The following TEKT5 variants were observed in gnomAD, a reference collection of about 807,000 sequenced individuals.
TEKT5 encodes tektin 5.
TEKT5 carries 52 observed loss-of-function variants against 48.7 expected under a neutral mutation model. The ratio of observed to expected loss-of-function variants is 1.07; its 90% CI spans 0.86 to 1.35. The LOEUF (loss-of-function observed/expected upper bound fraction) is 1.35. Among genes scored for constraint, TEKT5 ranks in the 40% most tolerant of loss-of-function variants. TEKT5 has a pLI of 0.00. For synonymous variants in TEKT5, 318 were observed against 267.6 expected, an observed-to-expected ratio of 1.19 and a Z score of -1.84; for missense variants, 831 against 641.6, an observed-to-expected ratio of 1.30 and a Z score of -3.19.
intron 3 of TEKT5, among the ~76,000 whole-genome samples, chr16:10,687,918 T>G (rs1353248220): frequency 6.6e-6 from 1 of 152,228 alleles, no homozygotes; most frequent in East Asian, 1.9e-4. Flanking sequence ...TTTGTAACAA[T>G]CACATCAGGG....
intron 2 of TEKT5, 104 bp from the exon 3 acceptor site, chr16:10,689,427 T>G: frequency 1.0e-6 from 1 of 961,962 alleles, no homozygotes; most frequent in East Asian, 2.6e-5. Flanking sequence ...CTGACCACCC[T>G]CGACCCCAGG....
At chr16:10,634,113 C>A (rs909525262) in intron 6 of TEKT5, among the ~76,000 whole-genome samples, 3 of 152,140 alleles carry the variant, frequency 2.0e-5, no homozygotes, top group East Asian at 3.8e-4. Flanking sequence ...CCCAGTGAAG[C>A]CCTGGCTTAG....
At chr16:10,641,049 T>A (rs1399526872) in intron 5 of TEKT5, among the ~76,000 whole-genome samples, 1 of 152,164 alleles carries the variant, frequency 6.6e-6, no homozygotes, top group African/African-American at 2.4e-5. Context: ...TTAGAAACTG[T>A]CAAAGTTTTC....
In TEKT5 at chr16:10,688,053, G is replaced by A. The variant is rs139030051; in HGVS notation, c.719+1200C>T. ...TTGTTGACTGTAGTCACCCTGTTGT[G>A]CTTAAGGTTTTTTTAAGTGAATCAA... On this transcript the variant is annotated intron_variant, in intron 3 of 6. Transcript: ENST00000283025. 4.8e-3 allele frequency among the ~76,000 whole-genome samples: 734 copies of A among 152,220 alleles called. 19 individuals carry two copies. The highest frequency in any genetic ancestry group is 0.046 in the East Asian group (237 of 5,180).
chr16:10,685,964 T>A (rs1467393570), intron 3 of TEKT5, among the ~76,000 whole-genome samples: 1 of 152,196 alleles, frequency 6.6e-6, no homozygotes, highest in East Asian at 1.9e-4. Context: ...TAGTTCACTC[T>A]GCCGGCTCAA....
intron 5 of TEKT5, among the ~76,000 whole-genome samples, chr16:10,664,005 C>T (rs958244254): frequency 2.6e-5 from 4 of 152,172 alleles, no homozygotes; most frequent in Non-Finnish European, 5.9e-5. Flanking sequence ...GGGTTAGAAA[C>T]GGGTAGAAGC....
Position 10,627,684 on chromosome 16 carries a change from C to T in TEKT5, c.1357G>A (p.Glu453Lys), listed in dbSNP as rs201956574. ...LVMTKCRLEH[E>K]LAIKANTLCI... ...AGGGTGTTGGCCTTGATGGCGAGCT[C>T]GTGCTCCAGCCGGCACTTGGTCATG... Residue 453 changes from glutamate to lysine, a missense_variant, in exon 7 of 7, where the codon GAG becomes AAG. Coordinates refer to ENST00000283025, the MANE Select transcript of TEKT5 (RefSeq NM_144674.2). The T allele has an allele frequency of 2.0e-5, 33 of 1,614,182 alleles. No individual in the cohort carries two copies. Among genetic ancestry groups the T allele is most frequent in the African/African-American group, 9.3e-5 (7 of 75,048 alleles).
At position 10,644,379 on chromosome 16, in the gene TEKT5, C is replaced by T. The variant is rs536419326; in HGVS notation, c.1087-8461G>A. 2.0e-5 allele frequency among the ~76,000 whole-genome samples: 3 copies of T among 152,244 alleles called. No homozygotes were observed. In the South Asian group the frequency reaches 6.2e-4, roughly 32 times the overall value. On this transcript the variant is annotated intron_variant, in intron 5 of 6. Transcript: ENST00000283025. ...CCTAAAGTCATTTTTCTCAAAGTGG[C>T]GTTCGCAGATCCCCACATCGGATTC...
Position 10,694,842 on chromosome 16 carries a change from C to T in TEKT5, c.32G>A (p.Ser11Asn). 3 of 1,591,296 alleles carry T rather than the reference C, an allele frequency of 1.9e-6. No individual in the cohort carries two copies. The highest frequency in any genetic ancestry group is 1.8e-5 in the Admixed American group (1 of 56,856). The change falls in exon 1 of 7, where the codon AGT becomes AAT. Residue 11 changes from serine to asparagine, a missense_variant. By Grantham distance (46) the Ser-to-Asn change is conservative (BLOSUM62 1). Coordinates refer to ENST00000283025, the MANE Select transcript of TEKT5 (RefSeq NM_144674.2). ...ACAGCATTTCTTGGGACCACAGTAA[C>T]TGGCGGTCTGAGTAGTCCCAAGAAA... MEFLGTTQTA[S>N]YCGPKKCCGL...
chr16:10,670,608 A>G (rs1898534199), intron 5 of TEKT5, among the ~76,000 whole-genome samples: 1 of 152,210 alleles, frequency 6.6e-6, no homozygotes. Flanking sequence ...CATTGCATCA[A>G]ATTCCTTTAT....
At chr16:10,685,750 T>C (rs896024783) in intron 3 of TEKT5, among the ~76,000 whole-genome samples, 1 of 152,196 alleles carries the variant, frequency 6.6e-6, no homozygotes, top group Non-Finnish European at 1.5e-5. Context: ...TATCTCTTCA[T>C]GTCTCTGTCT....
intron 6 of TEKT5, among the ~76,000 whole-genome samples, chr16:10,631,237 C>T (rs1263255709): frequency 1.7e-5 from 2 of 119,326 alleles, no homozygotes; most frequent in East Asian, 4.7e-4. Context: ...GCCTGGACAA[C>T]AGAGCAAGAC....
At chr16:10,687,677 T>C (rs1054274985) in intron 3 of TEKT5, among the ~76,000 whole-genome samples, 1 of 152,252 alleles carries the variant, frequency 6.6e-6, no homozygotes, top group Non-Finnish European at 1.5e-5. Context: ...CGCATGAATC[T>C]GGGAGGTGGA....
chr16:10,673,638 C>T (rs559818583), intron 5 of TEKT5, among the ~76,000 whole-genome samples: 41 of 142,654 alleles, frequency 2.9e-4, no homozygotes, highest in African/African-American at 1.1e-3. Flanking sequence ...AACCACTGCA[C>T]CCATTCTATT....
chr16:10,684,358 G>C (rs185091586), intron 3 of TEKT5, among the ~76,000 whole-genome samples: 7 of 149,248 alleles, frequency 4.7e-5, no homozygotes, highest in Admixed American at 4.0e-4. Context: ...CTGAGCCTCT[G>C]TGTGTCTCTG....
At chr16:10,657,683 G>A (rs1160975204) in intron 5 of TEKT5, among the ~76,000 whole-genome samples, 1 of 149,454 alleles carries the variant, frequency 6.7e-6, no homozygotes, top group Non-Finnish European at 1.5e-5. Flanking sequence ...TCCACCTCCC[G>A]GGTTCATGCC....
chr16:10,654,778 A>G (rs76423868), intron 5 of TEKT5, among the ~76,000 whole-genome samples: 4,757 of 152,164 alleles, frequency 0.031, 240 homozygotes, highest in African/African-American at 0.11. Context: ...CTCAGCCTCC[A>G]TAACCTCACA....
Position 10,627,775 on chromosome 16 carries a change from G to A in TEKT5, c.1266C>T (p.Ile422=), listed in dbSNP as rs753587144. The change falls in exon 7 of 7, where the codon ATC becomes ATT. Residue 422 remains isoleucine (I), a synonymous_variant. Coordinates refer to ENST00000283025, the MANE Select transcript of TEKT5 (RefSeq NM_144674.2). Reference sequence around the variant, plus strand: ...GCTTGAGGGTCTGCAGGGTGTCGTCGATGGTGAACACCTCGTTCACCAGCC... The same window carrying A: ...GCTTGAGGGTCTGCAGGGTGTCGTCAATGGTGAACACCTCGTTCACCAGCC... ...QLKLVNEVFT[I]DDTLQTLKLR... is the part of the protein sequence containing the mutation. 4.3e-5 allele frequency: 70 copies of A among 1,614,184 alleles called. No individual in the cohort carries two copies. Among genetic ancestry groups the A allele is most frequent in the Non-Finnish European group, 5.3e-5 (62 of 1,180,034 alleles).
Position 10,676,138 on chromosome 16 carries a change from T to C in TEKT5, c.907A>G (p.Ile303Val), listed in dbSNP as rs761850647. The C allele has an allele frequency of 1.2e-5, 19 of 1,614,176 alleles. No individual in the cohort carries two copies. The Admixed American group carries it at 2.3e-4, about 20-fold the overall frequency. The change falls in exon 5 of 7, where the codon ATC becomes GTC. Residue 303 changes from isoleucine to valine, a missense_variant. Coordinates refer to ENST00000283025, the MANE Select transcript of TEKT5 (RefSeq NM_144674.2). The stretch of plus-strand genomic sequence containing the variant: ...GCCCGCATGTTCTGAGAGTGTTTGA[T>C]GTTGTCGTTACTGAACTTGGCCCAG... Reference protein sequence around the residue: ...ETWAKFSNDNIKHSQNMRANS... With the variant: ...ETWAKFSNDNVKHSQNMRANS...
Sources: gnomAD v4.1 joint callset for allele counts (sites outside exome capture counted in the v4.1 genomes callset) on GRCh38, gnomAD v4.1.1 for gene constraint, MANE v1.5 for transcripts, NCBI Gene and HGNC (gene_info 2026-07-23, HGNC 2026-07-21) for gene names.